The following ORC3 variants were observed in gnomAD, a reference collection of about 807,000 sequenced individuals.
ORC3 encodes homolog of latheo, Drosophila.
ORC3 carries 78 observed loss-of-function variants against 100.7 expected under a neutral mutation model. The observed-to-expected ratio is 0.77, with a 90% CI of 0.65 to 0.94. The LOEUF (loss-of-function observed/expected upper bound fraction) is 0.94. ORC3 is among the 40% of genes least tolerant of loss of function. The pLI is 0.00. For synonymous variants in ORC3, 295 were observed against 289.3 expected, an observed-to-expected ratio of 1.02 and a Z score of -0.20; for missense variants, 789 against 823.9, an observed-to-expected ratio of 0.96 and a Z score of 0.52.
At chr6:87,610,283 C>G (rs992955562) in intron 7 of ORC3, among the ~76,000 whole-genome samples, 2 of 151,688 alleles carry the variant, frequency 1.3e-5, no homozygotes, top group African/African-American at 2.4e-5. Flanking sequence ...TTCTCAACTC[C>G]CTGCCACCTC....
chr6:87,608,828 T>C (rs182419941), intron 6 of ORC3, among the ~76,000 whole-genome samples: 3 of 152,346 alleles, frequency 2.0e-5, no homozygotes, highest in African/African-American at 7.2e-5. Context: ...TCCTCTTCCA[T>C]GTTTTTTTCT....
chr6:87,622,139 G>A, intron 11 of ORC3, 126 bp downstream of exon 11: 1 of 572,888 alleles, frequency 1.7e-6, no homozygotes, highest in Non-Finnish European at 3.0e-6. Context: ...TGAAGTACTG[G>A]GTCTTGATAG....
chr6:87,649,486 A>G (rs1741410219), intron 13 of ORC3, among the ~76,000 whole-genome samples: 2 of 152,196 alleles, frequency 1.3e-5, no homozygotes, highest in Non-Finnish European at 2.9e-5. Flanking sequence ...CATGGCTCAC[A>G]CCTGTAATCC....
At chr6:87,671,078 TGCAGGTAATTTAG>T (rs1399190959), downstream of ORC3, among the ~76,000 whole-genome samples, 5 of 152,012 alleles carry the variant, frequency 3.3e-5, no homozygotes, top group East Asian at 9.6e-4. Flanking sequence ...TGGGGTAGAG[TGCAGGTAATTTAG>T]GGCTCCACAG....
intron 5 of ORC3, 71 bp downstream of exon 5, chr6:87,606,092 C>T (rs1778321219): frequency 1.1e-6 from 1 of 903,234 alleles, no homozygotes; most frequent in Non-Finnish European, 1.8e-6. Flanking sequence ...CTCTCTTTTT[C>T]AGGCTTTCTT....
intron 9 of ORC3, among the ~76,000 whole-genome samples, chr6:87,618,572 G>A (rs1017619107): frequency 7.2e-5 from 11 of 152,190 alleles, no homozygotes; most frequent in African/African-American, 2.4e-4. Context: ...AAATAGGAGC[G>A]AGCCAGGTCA....
chr6:87,597,678 TATACAC>T (rs767084824), intron 2 of ORC3, among the ~76,000 whole-genome samples: 1,422 of 136,704 alleles, frequency 0.01, 27 homozygotes, highest in African/African-American at 0.04. Context: ...GATATATATA[TATACAC>T]ACACACACAC....
At chr6:87,594,432 T>C (rs1562313590) in intron 2 of ORC3, 25 bp downstream of exon 2, 1 of 1,546,440 alleles carries the variant, frequency 6.5e-7, no homozygotes, top group East Asian at 2.3e-5. Flanking sequence ...TATTAAATTT[T>C]TTATTCCCTA....
intron 2 of ORC3, among the ~76,000 whole-genome samples, chr6:87,598,058 C>T (rs1777598418): frequency 6.6e-6 from 1 of 152,162 alleles, no homozygotes; most frequent in South Asian, 2.1e-4. Flanking sequence ...AAGACAAGAT[C>T]TCACTCTGTC....
At chr6:87,655,072 C>T (rs748547527) in intron 14 of ORC3, among the ~76,000 whole-genome samples, 2 of 152,170 alleles carry the variant, frequency 1.3e-5, no homozygotes, top group Admixed American at 6.5e-5. Context: ...AAACTCCCCA[C>T]GTTGGATGAG....
Position 87,594,341 on chromosome 6 carries a change from T to C in ORC3, c.25-12T>C, listed in dbSNP as rs1389787427. The C allele has an allele frequency of 1.3e-6, 2 of 1,570,422 alleles. No individual in the cohort carries two copies. Among genetic ancestry groups the C allele is most frequent in the African/African-American group, 2.7e-5 (2 of 74,176 alleles). On this transcript the variant is annotated splice_polypyrimidine_tract_variant and intron_variant, in intron 1 of 19. Transcript: ENST00000392844. ...TACTTTGACTTTATGCTTTTCGTCT[T>C]TCTTTTTATAGGGTTGCTTTGTTTT...
chr6:87,676,974 G>C, the ORC3 span, among the ~76,000 whole-genome samples: 4,755 of 151,850 alleles, frequency 0.031, 250 homozygotes, highest in African/African-American at 0.11. Flanking sequence ...CTACACAGGA[G>C]GCTGAGGCAG....
chr6:87,662,621 T>C (rs1770277179), intron 16 of ORC3, among the ~76,000 whole-genome samples: 1 of 152,242 alleles, frequency 6.6e-6, no homozygotes, highest in Admixed American at 6.5e-5. Context: ...TTTTCTCATT[T>C]ACTTTAAGAA....
chr6:87,658,046 T>A, intron 16 of ORC3, 28 bp downstream of exon 16: 1 of 1,201,890 alleles, frequency 8.3e-7, no homozygotes, highest in Non-Finnish European at 1.2e-6. Flanking sequence ...TCTTAAGAGC[T>A]AAAAATCATG....
chr6:87,670,762 T>G (rs971164720), downstream of ORC3, among the ~76,000 whole-genome samples: 6 of 152,196 alleles, frequency 3.9e-5, no homozygotes, highest in Non-Finnish European at 8.8e-5. Context: ...AGGCACTGTA[T>G]GCCAGTGAGC....
downstream of ORC3, among the ~76,000 whole-genome samples, chr6:87,671,470 A>G (rs1770830218): frequency 6.6e-6 from 1 of 152,060 alleles, no homozygotes; most frequent in Non-Finnish European, 1.5e-5. Flanking sequence ...CGAGGTGTCT[A>G]CTAGATACCT....
intron 1 of ORC3, 147 bp from the exon 2 acceptor site, chr6:87,594,206 A>T (rs931971157): frequency 1.4e-5 from 8 of 553,664 alleles, no homozygotes; most frequent in South Asian, 3.1e-5. Context: ...GAGAGAAGTG[A>T]TGTGATTTCT....
At chr6:87,643,692 AT>A (rs1167278707) in intron 13 of ORC3, among the ~76,000 whole-genome samples, 2 of 152,206 alleles carry the variant, frequency 1.3e-5, no homozygotes, top group African/African-American at 4.8e-5. Flanking sequence ...AGAAACATTA[AT>A]TTTAAAAACT....
At chr6:87,630,176 T>A (rs1767286479) in intron 11 of ORC3, among the ~76,000 whole-genome samples, 1 of 152,126 alleles carries the variant, frequency 6.6e-6, no homozygotes, top group African/African-American at 2.4e-5. Flanking sequence ...ACACCTGTAA[T>A]CCCAGCACTT....
Sources: gnomAD v4.1 joint callset for allele counts (sites outside exome capture counted in the v4.1 genomes callset) on GRCh38, gnomAD v4.1.1 for gene constraint, MANE v1.5 for transcripts, NCBI Gene and HGNC (gene_info 2026-07-23, HGNC 2026-07-21) for gene names.